Variants in UBE3C observed in about 807,000 individuals in gnomAD.
UBE3C encodes ubiquitin-protein ligase E3C.
UBE3C carries 42 observed loss-of-function variants against 129.4 expected under a neutral mutation model. That is an observed-to-expected ratio of 0.32 (90% confidence interval 0.25 to 0.42). The LOEUF is 0.42. UBE3C is among the 10% of genes least tolerant of loss of function. The pLI, the probability that UBE3C is intolerant of heterozygous loss-of-function variation, is 1.00. For synonymous variants in UBE3C, 510 were observed against 492.4 expected (o/e 1.04, Z -0.47); for missense variants, 1,049 against 1,319.1 (o/e 0.80, Z 3.17).
intron 18 of UBE3C, among the ~76,000 whole-genome samples, chr7:157,243,908 C>T (rs1014711164): frequency 6.6e-6 from 1 of 152,054 alleles, no homozygotes; most frequent in East Asian, 1.9e-4. Context: ...GAATGGGCAC[C>T]ATATGTTGTA....
intron 2 of UBE3C, among the ~76,000 whole-genome samples, chr7:157,167,119 T>C (rs9918723): frequency 1 from 152,099 of 152,138 alleles, 76,030 homozygotes; most frequent in Middle Eastern, 1. Flanking sequence ...TTAGTAGAGA[T>C]GGAGTTTCAC....
Position 157,170,359 on chromosome 7 carries a change from G to A in UBE3C, c.251G>A (p.Gly84Asp), listed in dbSNP as rs778413766. 25 of 1,577,772 alleles carry A rather than the reference G, an allele frequency of 1.6e-5. No individual in the cohort carries two copies. The Middle Eastern group carries it at 5.0e-4, about 32-fold the overall frequency. ...DRCATLSQSG[G>D]AFPIANGPNL... ...TGTGCTACCTTGTCACAGTCCGGGGGCGCTTTTCCCATTGCTAATGGCCCC... is the reference window on the plus strand; with the variant it reads ...TGTGCTACCTTGTCACAGTCCGGGGACGCTTTTCCCATTGCTAATGGCCCC... Residue 84 changes from glycine (G) to aspartate (D), a missense_variant, in exon 4 of 23, where the codon GGC becomes GAC. Gly to Asp is a moderately conservative substitution (Grantham distance 94). Transcript: ENST00000348165.
chr7:157,153,041 C>T (rs1807801936), intron 1 of UBE3C, among the ~76,000 whole-genome samples: 2 of 152,186 alleles, frequency 1.3e-5, no homozygotes, highest in Middle Eastern at 3.4e-3. Context: ...ACTAAAAATA[C>T]TGAAATTAGC....
At chr7:157,216,335 C>T (rs768687321) in intron 13 of UBE3C, among the ~76,000 whole-genome samples, 19 of 150,058 alleles carry the variant, frequency 1.3e-4, no homozygotes, top group Non-Finnish European at 2.4e-4. Flanking sequence ...TGAGCTAAGA[C>T]ATTTCCAGAT....
At chr7:157,184,147 A>G (rs1488319757) in intron 9 of UBE3C, 118 bp downstream of exon 9, 9 of 1,355,600 alleles carry the variant, frequency 6.6e-6, no homozygotes, top group Admixed American at 4.6e-5. Context: ...CAGCCTTTGC[A>G]GAGAAGCCCC....
Position 157,180,582 on chromosome 7 carries a change from A to T in UBE3C, c.617-936A>T, listed in dbSNP as rs3757831. 2.0e-5 allele frequency among the ~76,000 whole-genome samples: 3 copies of T among 152,054 alleles called. No homozygotes were observed. The East Asian group carries it at 5.8e-4, about 29-fold the overall frequency. On this transcript the variant is annotated intron_variant, in intron 6 of 22. Coordinates refer to ENST00000348165, the MANE Select transcript of UBE3C (RefSeq NM_014671.3). Reference sequence around the variant, plus strand: ...ATGGATTGTTTTTAATGTGCTACCAAATACGCTTGTATATGATGAGATACT... The same window carrying T: ...ATGGATTGTTTTTAATGTGCTACCATATACGCTTGTATATGATGAGATACT...
At chr7:157,243,052 C>T (rs574602331) in intron 18 of UBE3C, among the ~76,000 whole-genome samples, 7 of 151,142 alleles carry the variant, frequency 4.6e-5, no homozygotes, top group Non-Finnish European at 8.8e-5. Context: ...GAAACTCCAT[C>T]TCAAAAAAAA....
chr7:157,228,974 A>G (rs1053888072), intron 17 of UBE3C, among the ~76,000 whole-genome samples: 1 of 152,192 alleles, frequency 6.6e-6, no homozygotes, highest in African/African-American at 2.4e-5. Context: ...CCCCTTTTCC[A>G]GAATGCTTCT....
At chr7:157,168,259 G>T (rs1446915478) in intron 2 of UBE3C, among the ~76,000 whole-genome samples, 4 of 151,224 alleles carry the variant, frequency 2.6e-5, no homozygotes, top group Admixed American at 2.6e-4. Flanking sequence ...GCTGAGGCAG[G>T]AGAATGGTGT....
At chr7:157,187,418 ACT>A (rs922417868) in intron 10 of UBE3C, among the ~76,000 whole-genome samples, 4 of 141,218 alleles carry the variant, frequency 2.8e-5, no homozygotes, top group Non-Finnish European at 6.0e-5. Context: ...ACAGCATCTC[ACT>A]CTGTTGCCCA....
rs1328891587 is a variant in UBE3C, at chr7:157,201,708, T to C, written c.1332-13T>C. The C allele has an allele frequency of 1.3e-6, 2 of 1,540,030 alleles. No homozygotes were observed. The highest frequency in any genetic ancestry group is 1.4e-5 in the African/African-American group (1 of 71,728). ...GCTTTACTGTTCTGTGTTTTTCTCC[T>C]ATTCCTTTTTAGGCTTCTCTACAGT... On this transcript the variant is annotated splice_polypyrimidine_tract_variant and intron_variant, in intron 10 of 22. Coordinates refer to ENST00000348165, the MANE Select transcript of UBE3C (RefSeq NM_014671.3).
At chr7:157,177,716 C>T (rs748318743) in intron 5 of UBE3C, among the ~76,000 whole-genome samples, 18 of 152,218 alleles carry the variant, frequency 1.2e-4, no homozygotes, top group African/African-American at 2.2e-4. Context: ...GTCCTCACCC[C>T]CTGTCTCTCC....
At position 157,204,497 on chromosome 7, in the gene UBE3C, C is replaced by T. The variant is rs370567663; in HGVS notation, c.1418+2690C>T. 4.3e-4 allele frequency among the ~76,000 whole-genome samples: 65 copies of T among 151,668 alleles called. 1 individual carries two copies. In the East Asian group the frequency reaches 7.2e-3, roughly 17 times the overall value. ...CAACCTCACAAGCTTATCAGGTAAT[C>T]GAGGTACAGATGGTTTGGGGGCCAA... On this transcript the variant is annotated intron_variant, in intron 11 of 22. Coordinates refer to ENST00000348165, the MANE Select transcript of UBE3C (RefSeq NM_014671.3).
At chr7:157,222,259 G>C (rs1255798779) in intron 15 of UBE3C, 1 of 152,140 alleles carries the variant, frequency 6.6e-6, no homozygotes, top group Non-Finnish European at 1.5e-5. Context: ...CAAATATTTT[G>C]TCCCAATCTG....
intron 17 of UBE3C, among the ~76,000 whole-genome samples, chr7:157,229,615 C>A (rs1795968742): frequency 1.3e-5 from 2 of 150,656 alleles, no homozygotes; most frequent in Admixed American, 1.3e-4. Context: ...CTGCACCCGG[C>A]CTGTTTTTGG....
Position 157,243,711 on chromosome 7 carries a change from G to A in UBE3C, c.2482-4657G>A, listed in dbSNP as rs149182107. Reference sequence around the variant, plus strand: ...AGTTGATGGTGTAGAAAGCTCTCTGGAATAGGATTGTGAAGATCTAGGACT... The same window carrying A: ...AGTTGATGGTGTAGAAAGCTCTCTGAAATAGGATTGTGAAGATCTAGGACT... On this transcript the variant is annotated intron_variant, in intron 18 of 22. Coordinates refer to ENST00000348165, the MANE Select transcript of UBE3C (RefSeq NM_014671.3). Among the ~76,000 whole-genome samples the A allele has an allele frequency of 1.1e-4, 17 of 152,290 alleles. No individual in the cohort carries two copies. The East Asian group carries it at 2.1e-3, about 19-fold the overall frequency.
intron 13 of UBE3C, among the ~76,000 whole-genome samples, chr7:157,209,903 G>C (rs1257986347): frequency 6.6e-6 from 1 of 152,216 alleles, no homozygotes; most frequent in African/African-American, 2.4e-5. Flanking sequence ...GGGCAAGGCC[G>C]GGTGTGGTGG....
intron 19 of UBE3C, among the ~76,000 whole-genome samples, chr7:157,251,970 C>T (rs78979825): frequency 0.21 from 31,486 of 151,880 alleles, 3,535 homozygotes; most frequent in East Asian, 0.36. Context: ...CCTGTCTCTA[C>T]TAAAAATACA....
chr7:157,224,229 C>CG (rs376302779), intron 16 of UBE3C, among the ~76,000 whole-genome samples: 6 of 152,120 alleles, frequency 3.9e-5, no homozygotes, highest in African/African-American at 1.4e-4. Context: ...GGAGTGTCCT[C>CG]TGTCGCCCAG....
Sources: gnomAD v4.1 joint callset for allele counts (sites outside exome capture counted in the v4.1 genomes callset) on GRCh38, gnomAD v4.1.1 for gene constraint, MANE v1.5 for transcripts, NCBI Gene and HGNC (gene_info 2026-07-23, HGNC 2026-07-21) for gene names.